C6orf89: variants seen among roughly 807,000 people sequenced by gnomAD.
C6orf89 encodes chromosome 6 open reading frame 89.
C6orf89 carries 29 observed loss-of-function variants against 40.7 expected under a neutral mutation model. That is an observed-to-expected ratio of 0.71 (90% confidence interval 0.53 to 0.97). The LOEUF is 0.97. Among genes scored for constraint, C6orf89 ranks in the 50% least tolerant of loss-of-function variants. The pLI is 0.00. For synonymous variants in C6orf89, 165 were observed against 152.2 expected (o/e 1.08, Z -0.62); for missense variants, 392 against 429.1 (o/e 0.91, Z 0.76).
chr6:36,903,786 C>T (rs1477289622), intron 4 of C6orf89, among the ~76,000 whole-genome samples: 3 of 151,908 alleles, frequency 2.0e-5, no homozygotes, highest in African/African-American at 7.3e-5. Flanking sequence ...GAAAGGTTTC[C>T]AAAATTGTAT....
chr6:36,902,317 A>G lies in C6orf89; in HGVS notation c.286A>G (p.Thr96Ala). 3 of 1,614,152 alleles carry G rather than the reference A, an allele frequency of 1.9e-6. No individual in the cohort carries two copies. The highest frequency in any genetic ancestry group is 2.5e-6 in the Non-Finnish European group (3 of 1,180,022). The change falls in exon 4 of 9, where the codon ACC becomes GCC. Residue 96 changes from threonine (T) to alanine (A), a missense_variant. Coordinates refer to ENST00000480824, the MANE Select transcript of C6orf89 (RefSeq NM_001286635.2). Reference protein sequence around the residue: ...APEPVLSGAHTWRSLIHHIRL... With the variant: ...APEPVLSGAHAWRSLIHHIRL... ...TGAGCCAGTGCTTTCTGGAGCTCAC[A>G]CCTGGCGCTCACTCATCCATCACAT...
At chr6:36,885,906 C>G, upstream of C6orf89, 1 of 724,710 alleles carries the variant, frequency 1.4e-6, no homozygotes, top group Non-Finnish European at 1.7e-6. Flanking sequence ...GGTACAAGGC[C>G]TCGCCCAGGA....
In C6orf89 at chr6:36,927,393, C is replaced by T. The variant is rs1762717276; in HGVS notation, c.*3952C>T. The stretch of plus-strand genomic sequence containing the variant: ...CAAACCCCAAAGCAAATGTTTGCAT[C>T]TCCTTGTCCATAAAGGAGAAAGCCA... On this transcript the variant is annotated 3_prime_UTR_variant, in exon 9 of 9. Transcript: ENST00000480824. 6.6e-6 allele frequency: 1 copy of T among 152,224 alleles called. No homozygotes were observed. Among genetic ancestry groups the T allele is most frequent in the African/African-American group, 2.4e-5 (1 of 41,458 alleles). The allele number at this position is 152,224 out of a possible 1,614,324, so 9.4% of individuals were successfully genotyped here. A position where few individuals can be genotyped will look rare whatever the true frequency, so the allele number is the denominator to read the frequency against.
intron 1 of C6orf89, among the ~76,000 whole-genome samples, chr6:36,876,744 AGAAGAAGAAG>A (rs1774667656): frequency 6.9e-6 from 1 of 145,040 alleles, no homozygotes; most frequent in Non-Finnish European, 1.5e-5. Context: ...AAAAAAAAGA[AGAAGAAGAAG>A]AAGAAGAAGA....
At chr6:36,877,086 A>G (rs1774679382) in intron 1 of C6orf89, among the ~76,000 whole-genome samples, 1 of 152,008 alleles carries the variant, frequency 6.6e-6, no homozygotes, top group Non-Finnish European at 1.5e-5. Flanking sequence ...TTCCTTAACA[A>G]TATGTTTGTG....
intron 3 of C6orf89, 104 bp from the exon 4 acceptor site, chr6:36,902,117 G>T: frequency 1.1e-6 from 1 of 918,340 alleles, no homozygotes. Flanking sequence ...TAGTTCTTAA[G>T]GCACATTGGA....
rs1183641557 is a variant in C6orf89 at position 36,924,122 on chromosome 6, C to A, written c.*681C>A. ...ATGCTTTCTTCCATTTCATCAGGTTCTTTTATCCCCACTGCACCCCCTCCC... is the reference window on the plus strand; with the variant it reads ...ATGCTTTCTTCCATTTCATCAGGTTATTTTATCCCCACTGCACCCCCTCCC... On this transcript the variant is annotated 3_prime_UTR_variant, in exon 9 of 9. Transcript: ENST00000480824. 6.4e-6 allele frequency: 1 copy of A among 156,334 alleles called. No individual in the cohort carries two copies. The highest frequency in any genetic ancestry group is 1.4e-5 in the Non-Finnish European group (1 of 70,364). 9.7% of individuals were successfully genotyped at this position (156,334 alleles called of 1,614,324 possible).
In C6orf89 at chr6:36,915,284, G is replaced by A. The variant is rs183176056; in HGVS notation, c.695+591G>A. Among the ~76,000 whole-genome samples, 14 of 152,318 alleles carry A rather than the reference G, an allele frequency of 9.2e-5. No homozygotes were observed. The East Asian group carries it at 2.7e-3, about 29-fold the overall frequency. ...TTTATGTAGAATGGGGCCTCATGCA[G>A]GGGGCTGAAGAGAGAGTGCAAATAA... On this transcript the variant is annotated intron_variant, in intron 6 of 8. Coordinates refer to ENST00000480824, the MANE Select transcript of C6orf89 (RefSeq NM_001286635.2).
intron 8 of C6orf89, among the ~76,000 whole-genome samples, chr6:36,921,908 G>C (rs1762523784): frequency 1.3e-5 from 2 of 151,728 alleles, no homozygotes; most frequent in Non-Finnish European, 2.9e-5. Context: ...CACGCCTGTA[G>C]TTCCAGCTAC....
chr6:36,884,952 T>G (rs1016751296), upstream of C6orf89, among the ~76,000 whole-genome samples: 54 of 152,214 alleles, frequency 3.5e-4, no homozygotes, highest in African/African-American at 1.3e-3. This position sits in a 1 kb window ranked among gnomAD's most constrained non-coding sequence, Gnocchi z 4.0. Context: ...TTCTACTGTT[T>G]CCTAGTGAGT....
chr6:36,902,407 G>T lies in C6orf89; in HGVS notation c.376G>T (p.Gly126Trp), dbSNP rs768357747. The change falls in exon 4 of 9, where the codon GGG (glycine) becomes TGG (tryptophan). Residue 126 changes from glycine to tryptophan, a missense_variant. Coordinates refer to ENST00000480824, the MANE Select transcript of C6orf89 (RefSeq NM_001286635.2). ...AGAAAATAAGGGAGTTCCTCTGCAT[G>T]GGGGTGATGAAGACAGACCCTTTCC... is the stretch of plus-strand genomic sequence containing the variant. ...MSENKGVPLHGGDEDRPFPDF... is the reference protein window; with the variant it reads ...MSENKGVPLHWGDEDRPFPDF... 46 of 1,614,026 alleles carry T rather than the reference G, an allele frequency of 2.9e-5. No homozygotes were observed. The highest frequency in any genetic ancestry group is 3.5e-5 in the Non-Finnish European group (41 of 1,179,994).
intron 7 of C6orf89, among the ~76,000 whole-genome samples, chr6:36,918,499 C>G (rs780006132): frequency 2.6e-5 from 4 of 152,174 alleles, no homozygotes; most frequent in African/African-American, 7.2e-5. Context: ...ACATTATGGG[C>G]AAGGCCTGTG....
chr6:36,889,244 A>G (rs1775104372), intron 1 of C6orf89, among the ~76,000 whole-genome samples: 1 of 152,244 alleles, frequency 6.6e-6, no homozygotes, highest in Non-Finnish European at 1.5e-5. Flanking sequence ...TAACTGAAAA[A>G]AACGTCCTTC....
chr6:36,882,105 T>C (rs1011563580), upstream of C6orf89, among the ~76,000 whole-genome samples: 2 of 152,316 alleles, frequency 1.3e-5, no homozygotes, highest in South Asian at 2.1e-4. Flanking sequence ...GTTGGCCTCA[T>C]GCTATCCTCA....
intron 1 of C6orf89, among the ~76,000 whole-genome samples, chr6:36,891,671 C>T (rs759517161): frequency 6.6e-6 from 1 of 152,062 alleles, no homozygotes; most frequent in Non-Finnish European, 1.5e-5. Flanking sequence ...ATTCATAACA[C>T]TAAAGAATGG....
At chr6:36,872,501 T>C (rs1774533605) in intron 1 of C6orf89, among the ~76,000 whole-genome samples, 1 of 151,984 alleles carries the variant, frequency 6.6e-6, no homozygotes, top group Non-Finnish European at 1.5e-5. Flanking sequence ...ATAGGATGAG[T>C]GCTTTTTCCT....
Position 36,899,596 on chromosome 6 carries a change from C to CG in C6orf89, c.152_153insG (p.Gln54AlafsTer10). ...CTGGAAAAGAATGAACCTCAGAGACCCCCCCCGCAGTATCCTCTCCTTATA... is the reference window on the plus strand; with the variant it reads ...CTGGAAAAGAATGAACCTCAGAGACCGCCCCCCGCAGTATCCTCTCCTTATA... On this transcript the variant is annotated frameshift_variant, in exon 3 of 9. Coordinates refer to ENST00000480824, the MANE Select transcript of C6orf89 (RefSeq NM_001286635.2). LOFTEE classifies it high-confidence loss of function. 1.9e-6 allele frequency: 3 copies of CG among 1,613,790 alleles called. No individual in the cohort carries two copies. Among genetic ancestry groups the CG allele is most frequent in the Non-Finnish European group, 2.5e-6 (3 of 1,179,858 alleles).
chr6:36,918,074 A>G (rs1762388832), intron 7 of C6orf89, among the ~76,000 whole-genome samples: 1 of 152,066 alleles, frequency 6.6e-6, no homozygotes. Context: ...TGTTGTCCAC[A>G]TCCCTGGGCC....
In C6orf89 at chr6:36,878,144, A is replaced by G. The variant is rs546946926; in HGVS notation, c.-627-864A>G. Among the ~76,000 whole-genome samples, 38 of 152,330 alleles carry G rather than the reference A, an allele frequency of 2.5e-4. 2 individuals carry two copies. In the South Asian group the frequency reaches 7.7e-3, roughly 31 times the overall value. On this transcript the variant is annotated intron_variant, in intron 1 of 9. Transcript: ENST00000359359. Reference sequence around the variant, plus strand: ...GTTTCATTTTTTTCTATATGGATATACAATTGACCCAGCACCATTGATTGA... The same window carrying G: ...GTTTCATTTTTTTCTATATGGATATGCAATTGACCCAGCACCATTGATTGA...
Sources: gnomAD v4.1 joint callset for allele counts (sites outside exome capture counted in the v4.1 genomes callset) on GRCh38, gnomAD v4.1.1 for gene constraint, Gnocchi (gnomAD v3.1) non-coding constraint, MANE v1.5 for transcripts, NCBI Gene and HGNC (gene_info 2026-07-23, HGNC 2026-07-21) for gene names.